The following ZC3HAV1 variants were observed in gnomAD, a reference collection of about 807,000 sequenced individuals.
ZC3HAV1 encodes zinc finger CCCH-type containing, antiviral 1, also known as zinc finger CCCH-type antiviral protein 1.
In ZC3HAV1, 41 loss-of-function variants were observed where a neutral mutation model predicts 86.6. The observed-to-expected ratio is 0.47, with a 90% CI of 0.37 to 0.61. The LOEUF is 0.61. ZC3HAV1 is among the 20% of genes least tolerant of loss of function. The pLI, the probability that ZC3HAV1 is intolerant of heterozygous loss-of-function variation, is 0.00. For synonymous variants in ZC3HAV1, 421 were observed against 432.1 expected (o/e 0.97, Z 0.32); for missense variants, 964 against 1,141.1 (o/e 0.84, Z 2.24).
At chr7:139,080,625 G>A (rs886142118) in intron 3 of ZC3HAV1, among the ~76,000 whole-genome samples, 3 of 152,124 alleles carry the variant, frequency 2.0e-5, no homozygotes, top group East Asian at 3.9e-4. Context: ...CTGCCTGCAC[G>A]GCAGAGCACG....
chr7:139,081,724 A>G (rs995483849), intron 3 of ZC3HAV1, among the ~76,000 whole-genome samples: 11 of 152,266 alleles, frequency 7.2e-5, no homozygotes, highest in African/African-American at 2.7e-4. Context: ...TAAGGCTAAA[A>G]AATGACATAT....
At chr7:139,049,375 G>GT (rs1816058250) in intron 12 of ZC3HAV1, 1 of 152,020 alleles carries the variant, frequency 6.6e-6, no homozygotes, top group African/African-American at 2.4e-5. Flanking sequence ...TTGGCCATTT[G>GT]TATTTCTTCT....
Position 139,057,775 on chromosome 7 carries a change from C to T in ZC3HAV1, c.2097-2480G>A, listed in dbSNP as rs1434354079. Among the ~76,000 whole-genome samples the T allele has an allele frequency of 3.6e-4, 8 of 22,358 alleles. 3 individuals carry two copies. The highest frequency in any genetic ancestry group is 5.7e-4 in the Non-Finnish European group (7 of 12,278). The allele number at this position is 22,358 out of a possible 152,430, so 14.7% of individuals were successfully genotyped here. On this transcript the variant is annotated intron_variant, in intron 9 of 12. Coordinates refer to ENST00000242351, the MANE Select transcript of ZC3HAV1 (RefSeq NM_020119.4). ...CAGGATGGTCTCGATCTCCTGACCT[C>T]GTGATCCGCCCACCTCAGCCTCCCA...
intron 2 of ZC3HAV1, among the ~76,000 whole-genome samples, chr7:139,088,779 T>C (rs928496426): frequency 6.6e-6 from 1 of 152,172 alleles, no homozygotes; most frequent in Admixed American, 6.6e-5. Context: ...CATAAACGAA[T>C]AGGTGTGGTT....
At chr7:139,095,802 T>C (rs1331780347) in intron 1 of ZC3HAV1, among the ~76,000 whole-genome samples, 2 of 152,086 alleles carry the variant, frequency 1.3e-5, no homozygotes, top group Non-Finnish European at 2.9e-5. Context: ...TTAAAAACCA[T>C]CTAGGGACTT....
At position 139,044,275 on chromosome 7, in the gene ZC3HAV1, C is replaced by G. The variant is rs1563119723; in HGVS notation, c.*3319G>C. 1 of 152,154 alleles carries G rather than the reference C, an allele frequency of 6.6e-6. No individual in the cohort carries two copies. The highest frequency in any genetic ancestry group is 1.5e-5 in the Non-Finnish European group (1 of 68,024). 9.4% of individuals were successfully genotyped at this position (152,154 alleles called of 1,614,324 possible). On this transcript the variant is annotated 3_prime_UTR_variant, in exon 13 of 13. Coordinates refer to ENST00000242351, the MANE Select transcript of ZC3HAV1 (RefSeq NM_020119.4). ...CACTGGTTTTCATTCTAGTGTCCCCCACCCGTCTAGTTTCATTTTCCTGTA... is the reference window on the plus strand; with the variant it reads ...CACTGGTTTTCATTCTAGTGTCCCCGACCCGTCTAGTTTCATTTTCCTGTA...
rs1167438930 is a variant in ZC3HAV1, at chr7:139,043,871, A to G, written c.*3723T>C. The G allele has an allele frequency of 1.3e-5, 2 of 152,252 alleles. No homozygotes were observed. The highest frequency in any genetic ancestry group is 2.4e-5 in the African/African-American group (1 of 41,466). 9.4% of individuals were successfully genotyped at this position (152,252 alleles called of 1,614,324 possible). ...GGACTCCTTAGGAAAGTAACAGTTGAGCCAATCTAAGGATGCTAGATATTC... is the reference window on the plus strand; with the variant it reads ...GGACTCCTTAGGAAAGTAACAGTTGGGCCAATCTAAGGATGCTAGATATTC... On this transcript the variant is annotated 3_prime_UTR_variant, in exon 13 of 13. Coordinates refer to ENST00000242351, the MANE Select transcript of ZC3HAV1 (RefSeq NM_020119.4).
intron 8 of ZC3HAV1, 39 bp downstream of exon 8, chr7:139,064,840 T>C: frequency 6.2e-7 from 1 of 1,613,800 alleles, no homozygotes; most frequent in Non-Finnish European, 8.5e-7. Flanking sequence ...TGCAGGCGGA[T>C]TTCAATGACA....
chr7:139,071,698 TACATGGGCC>T (rs1816777566), intron 7 of ZC3HAV1, among the ~76,000 whole-genome samples: 1 of 152,120 alleles, frequency 6.6e-6, no homozygotes, highest in South Asian at 2.1e-4. Flanking sequence ...ACAGAGATGC[TACATGGGCC>T]ACCACAGGAG....
intron 2 of ZC3HAV1, among the ~76,000 whole-genome samples, chr7:139,086,572 C>T (rs1276023285): frequency 6.6e-6 from 1 of 152,114 alleles, no homozygotes; most frequent in East Asian, 1.9e-4. Flanking sequence ...CACAACAGTG[C>T]CTTGTCTTAG....
At chr7:139,077,305 G>A (rs189948525) in intron 5 of ZC3HAV1, among the ~76,000 whole-genome samples, 33 of 152,254 alleles carry the variant, frequency 2.2e-4, no homozygotes, top group Admixed American at 8.5e-4. Flanking sequence ...GTGCAATGGC[G>A]CAGTCTTGGC....
At chr7:139,092,199 T>C (rs1817457120) in intron 1 of ZC3HAV1, among the ~76,000 whole-genome samples, 1 of 152,180 alleles carries the variant, frequency 6.6e-6, no homozygotes, top group African/African-American at 2.4e-5. Flanking sequence ...ACTGCGGATA[T>C]AGCTCGCCAC....
At chr7:139,100,487 T>C (rs773152524) in intron 1 of ZC3HAV1, among the ~76,000 whole-genome samples, 14 of 151,584 alleles carry the variant, frequency 9.2e-5, no homozygotes, top group Admixed American at 1.3e-4. Flanking sequence ...TGAACCGAGA[T>C]TGCACCACTG....
At chr7:139,052,606 CAAAA>C (rs35386659) in intron 12 of ZC3HAV1, among the ~76,000 whole-genome samples, 4 of 64,968 alleles carry the variant, frequency 6.2e-5, no homozygotes, top group African/African-American at 1.3e-4. Flanking sequence ...ACTCTGTCTC[CAAAA>C]AAAAAAAAAA....
intron 12 of ZC3HAV1, among the ~76,000 whole-genome samples, chr7:139,048,305 C>A (rs1395052453): frequency 6.6e-6 from 1 of 152,134 alleles, no homozygotes; most frequent in African/African-American, 2.4e-5. Flanking sequence ...TTATTTTTAT[C>A]ATTGTCAAGT....
In ZC3HAV1 at chr7:139,108,217, A is replaced by C. The variant is rs1279450432; in HGVS notation, c.308+807T>G. ...AAGCTCTCTTAGGGAGAAACTGGGAAGAAAATCACTCAAGAGTCTTAACCC... is the reference window on the plus strand; with the variant it reads ...AAGCTCTCTTAGGGAGAAACTGGGACGAAAATCACTCAAGAGTCTTAACCC... On this transcript the variant is annotated intron_variant, in intron 1 of 12. Coordinates refer to ENST00000242351, the MANE Select transcript of ZC3HAV1 (RefSeq NM_020119.4). This position sits in a 1 kb window ranked among gnomAD's most constrained non-coding sequence, Gnocchi z 4.2. Among the ~76,000 whole-genome samples, 1 of 152,028 alleles carries C rather than the reference A, an allele frequency of 6.6e-6. No homozygotes were observed. Among genetic ancestry groups the C allele is most frequent in the Non-Finnish European group, 1.5e-5 (1 of 67,982 alleles).
intron 5 of ZC3HAV1, among the ~76,000 whole-genome samples, chr7:139,077,298 C>T (rs1413973365): frequency 6.6e-6 from 1 of 152,202 alleles, no homozygotes; most frequent in East Asian, 1.9e-4. Context: ...GGCTGGAGTG[C>T]AATGGCGCAG....
Position 139,047,714 on chromosome 7 carries a change from C to T in ZC3HAV1, c.2589G>A (p.Gln863=). 6.2e-7 allele frequency: 1 copy of T among 1,614,132 alleles called. No individual in the cohort carries two copies. The highest frequency in any genetic ancestry group is 8.5e-7 in the Non-Finnish European group (1 of 1,180,042). ...GNITYTSPPP[Q]FDSCVDTRSN... is the part of the protein sequence containing the mutation. Reference sequence around the variant, plus strand: ...ATCTGGTATCCACACAGCTGTCGAACTGTGGAGGAGGGCTCGTGTACGTTA... The same window carrying T: ...ATCTGGTATCCACACAGCTGTCGAATTGTGGAGGAGGGCTCGTGTACGTTA... Residue 863 remains glutamine (Q), a synonymous_variant, in exon 13 of 13, where the codon CAG becomes CAA. Coordinates refer to ENST00000242351, the MANE Select transcript of ZC3HAV1 (RefSeq NM_020119.4).
At chr7:139,080,278 A>G in intron 3 of ZC3HAV1, 35 bp from the exon 4 acceptor site, 1 of 1,612,664 alleles carries the variant, frequency 6.2e-7, no homozygotes, top group Non-Finnish European at 8.5e-7. Flanking sequence ...AAACAAAATA[A>G]TGAACATTGG....
Sources: gnomAD v4.1 joint callset for allele counts (sites outside exome capture counted in the v4.1 genomes callset) on GRCh38, gnomAD v4.1.1 for gene constraint, Gnocchi (gnomAD v3.1) non-coding constraint, MANE v1.5 for transcripts, NCBI Gene and HGNC (gene_info 2026-07-23, HGNC 2026-07-21) for gene names.